The following PCDHGA9 variants were observed in gnomAD, a reference collection of about 807,000 sequenced individuals.
PCDHGA9 encodes the protein protocadherin gamma-A9.
PCDHGA9 carries 37 observed loss-of-function variants against 62.5 expected under a neutral mutation model. The ratio of observed to expected loss-of-function variants is 0.59; its 90% CI spans 0.46 to 0.78. The LOEUF is 0.78. PCDHGA9 is among the 30% of genes least tolerant of loss of function. The probability of loss-of-function intolerance (pLI) is 0.00; values close to 1 mark genes in which losing one functional copy is unlikely to be tolerated. For missense variants in PCDHGA9, 1,138 were observed against 1,166.2 expected, an observed-to-expected ratio of 0.98 and a Z score of 0.35; for synonymous variants, 459 against 484.6, an observed-to-expected ratio of 0.95 and a Z score of 0.69.
intron 1 of PCDHGA9, chr5:141,423,965 T>C (rs911812056): frequency 8.1e-5 from 94 of 1,162,030 alleles, no homozygotes; most frequent in Admixed American, 1.3e-4. Context: ...TATTTTTCTA[T>C]TATCAGTGTA....
intron 1 of PCDHGA9, among the ~76,000 whole-genome samples, chr5:141,437,573 G>A (rs923321760): frequency 1.3e-5 from 2 of 152,164 alleles, no homozygotes; most frequent in African/African-American, 4.8e-5. Flanking sequence ...GAGTATAGCT[G>A]TGATCATGAA....
rs61612330 is a variant in PCDHGA9 at position 141,454,796 on chromosome 5, ATTTTTTTT to A, written c.2425-39989_2425-39982del. Reference sequence around the variant, plus strand: ...AAGGAAATAATCCTCCATGGTTCTAATTTTTTTTTTTTTTTTTTTTTTTTTTTTTGAGA... The same window carrying A: ...AAGGAAATAATCCTCCATGGTTCTAATTTTTTTTTTTTTTTTTTTTTGAGA... On this transcript the variant is annotated intron_variant, in intron 1 of 3. Transcript: ENST00000573521. Among the ~76,000 whole-genome samples, 398 of 77,454 alleles carry A rather than the reference ATTTTTTTT, an allele frequency of 5.1e-3. 2 individuals are homozygous for A. The highest frequency in any genetic ancestry group is 0.021 in the African/African-American group (363 of 16,886). 50.8% of individuals were successfully genotyped at this position (77,454 alleles called of 152,430 possible).
At chr5:141,442,129 G>T in intron 1 of PCDHGA9, 1 of 165,104 alleles carries the variant, frequency 6.1e-6, no homozygotes, top group Non-Finnish European at 1.3e-5. Flanking sequence ...CCGACAGCCT[G>T]CAGGAGACTC....
Position 141,404,395 on chromosome 5 carries a change from CA to C in PCDHGA9, c.1445del (p.Asn482MetfsTer51), listed in dbSNP as rs2094524205. 4.3e-6 allele frequency: 7 copies of C among 1,613,768 alleles called. No homozygotes were observed. The highest frequency in any genetic ancestry group is 5.9e-6 in the Non-Finnish European group (7 of 1,179,864). ...FSVIAYDPDSNENSRVIYSLA... is the reference protein window; with the variant it reads ...FSVIAYDPDSXENSRVIYSLA... Reference sequence around the variant, plus strand: ...CCGTGATTGCCTATGACCCTGATAGCAATGAGAATTCTAGAGTTATTTACTC... The same window carrying C: ...CCGTGATTGCCTATGACCCTGATAGCATGAGAATTCTAGAGTTATTTACTC... On this transcript the variant is annotated frameshift_variant, in exon 1 of 4. Coordinates refer to ENST00000573521, the MANE Select transcript of PCDHGA9 (RefSeq NM_018921.3). LOFTEE classifies it high-confidence loss of function.
At chr5:141,441,984 A>G (rs1202392318) in intron 1 of PCDHGA9, 4 of 275,400 alleles carry the variant, frequency 1.5e-5, no homozygotes, top group South Asian at 7.2e-5. Flanking sequence ...TGGAATGCGC[A>G]CCGACGAGGT....
chr5:141,511,093 G>A lies in PCDHGA9; in HGVS notation c.2719G>A (p.Ala907Thr), dbSNP rs377350933. The change falls in exon 4 of 4, where the codon GCA (alanine) becomes ACA (threonine). Residue 907 changes from alanine to threonine, a missense_variant. Physicochemically the swap from Ala to Thr is moderately conservative, Grantham distance 58. Coordinates refer to ENST00000573521, the MANE Select transcript of PCDHGA9 (RefSeq NM_018921.3). Reference protein sequence around the residue: ...IPGSNATLTNAAGKRDGKAPA... With the variant: ...IPGSNATLTNTAGKRDGKAPA... ...AGGCAGCAATGCCACACTGACCAACGCAGCTGGCAAGCGGGATGGCAAGGC... is the reference window on the plus strand; with the variant it reads ...AGGCAGCAATGCCACACTGACCAACACAGCTGGCAAGCGGGATGGCAAGGC... 8 of 1,614,072 alleles carry A rather than the reference G, an allele frequency of 5.0e-6. No individual in the cohort carries two copies. Among genetic ancestry groups the A allele is most frequent in the African/African-American group, 4.0e-5 (3 of 74,916 alleles).
chr5:141,427,839 G>T, intron 1 of PCDHGA9: 1 of 1,547,310 alleles, frequency 6.5e-7, no homozygotes, highest in Non-Finnish European at 8.8e-7. Flanking sequence ...GCGTGCCTTC[G>T]ACCACGAGCA....
At position 141,477,023 on chromosome 5, in the gene PCDHGA9, A is replaced by T. The variant is rs763926460; in HGVS notation, c.2425-17784A>T. ...ATTCGCCTTAGACCTTGTAACCGGG[A>T]TGCTGACAATCAAGGGTCGGCTGGA... is the stretch of plus-strand genomic sequence containing the variant. On this transcript the variant is annotated intron_variant, in intron 1 of 3. Transcript: ENST00000573521. The surrounding 1 kb of genome is among the most constrained non-coding windows in gnomAD (Gnocchi z 4.9). 6.2e-7 allele frequency: 1 copy of T among 1,614,240 alleles called. No homozygotes were observed. The highest frequency in any genetic ancestry group is 8.5e-7 in the Non-Finnish European group (1 of 1,180,040).
Position 141,489,978 on chromosome 5 carries a change from T to C in PCDHGA9, c.2425-4829T>C. 6.2e-7 allele frequency: 1 copy of C among 1,614,192 alleles called. No homozygotes were observed. Among genetic ancestry groups the C allele is most frequent in the Non-Finnish European group, 8.5e-7 (1 of 1,180,012 alleles). On this transcript the variant is annotated intron_variant, in intron 1 of 3. Coordinates refer to ENST00000573521, the MANE Select transcript of PCDHGA9 (RefSeq NM_018921.3). The surrounding 1 kb of genome is among the most constrained non-coding windows in gnomAD (Gnocchi z 4.5). ...ATGCTCCAACCTTCCAATCCTCAGT[T>C]CTACGTGTGGGAATCCCAGAGAATG...
intron 1 of PCDHGA9, chr5:141,409,549 C>T: frequency 6.2e-7 from 1 of 1,614,004 alleles, no homozygotes; most frequent in Non-Finnish European, 8.5e-7. Context: ...ACGACAACGC[C>T]CCAGTTTTCG....
At chr5:141,445,294 T>G (rs1012635904) in intron 1 of PCDHGA9, among the ~76,000 whole-genome samples, 2 of 152,238 alleles carry the variant, frequency 1.3e-5, no homozygotes. Flanking sequence ...CAGGCTTCCA[T>G]TCTCTTCAGT....
intron 1 of PCDHGA9, chr5:141,422,516 G>A (rs575294611): frequency 1.2e-6 from 2 of 1,614,014 alleles, no homozygotes; most frequent in African/African-American, 1.3e-5. Context: ...GACCAGGGAA[G>A]CCCGCCTTTG....
chr5:141,405,797 T>C (rs1589594153), intron 1 of PCDHGA9, among the ~76,000 whole-genome samples: 1 of 148,508 alleles, frequency 6.7e-6, no homozygotes, highest in Non-Finnish European at 1.5e-5. Flanking sequence ...CTATTATAGT[T>C]AGCTTTCTCT....
At chr5:141,500,546 G>A (rs1428503967) in intron 2 of PCDHGA9, among the ~76,000 whole-genome samples, 1 of 152,126 alleles carries the variant, frequency 6.6e-6, no homozygotes, top group African/African-American at 2.4e-5. Context: ...ACCTAAATAA[G>A]TTGTTCACAA....
At chr5:141,408,271 T>A in intron 1 of PCDHGA9, 23 of 1,610,976 alleles carry the variant, frequency 1.4e-5, no homozygotes, top group Non-Finnish European at 1.9e-5. Context: ...TGCTGCTGCC[T>A]TTGTTCTACC....
chr5:141,485,689 G>A lies in PCDHGA9; in HGVS notation c.2425-9118G>A. On this transcript the variant is annotated intron_variant, in intron 1 of 3. Transcript: ENST00000573521. This position sits in a 1 kb window ranked among gnomAD's most constrained non-coding sequence, Gnocchi z 5.7. ...GCAATTCGATTAGCAGCTATAGGCT[G>A]AGCTCCAATGAACACTTTGCACTGG... The A allele has an allele frequency of 6.2e-7, 1 of 1,614,086 alleles. No individual in the cohort carries two copies. The highest frequency in any genetic ancestry group is 8.5e-7 in the Non-Finnish European group (1 of 1,179,970).
At chr5:141,413,724 C>T (rs751084568) in intron 1 of PCDHGA9, 2 of 1,613,426 alleles carry the variant, frequency 1.2e-6, no homozygotes, top group East Asian at 2.2e-5. Context: ...AGCACTTCTC[C>T]CTAAGAGTTC....
chr5:141,481,729 G>A (rs757464454), intron 1 of PCDHGA9, among the ~76,000 whole-genome samples: 6 of 151,966 alleles, frequency 3.9e-5, no homozygotes, highest in Admixed American at 1.3e-4. Flanking sequence ...GGAGGCGGGC[G>A]GATCACGAGG....
chr5:141,413,665 C>T (rs770111467), intron 1 of PCDHGA9: 1 of 1,613,726 alleles, frequency 6.2e-7, no homozygotes, highest in East Asian at 2.2e-5. Flanking sequence ...AGCTATTGAT[C>T]CGGATGTGGG....
Sources: allele counts gnomAD v4.1 joint callset (sites outside exome capture counted in the v4.1 genomes callset), GRCh38; gene constraint gnomAD v4.1.1; non-coding constraint Gnocchi (gnomAD v3.1); transcripts MANE v1.5; gene names NCBI Gene and HGNC (gene_info 2026-07-23, HGNC 2026-07-21).